STXBP5: variants seen among roughly 807,000 people sequenced by gnomAD.
STXBP5 encodes syntaxin-binding protein 5.
A neutral mutation model predicts 152.4 loss-of-function variants in STXBP5; 50 were observed. The observed-to-expected ratio is 0.33, with a 90% CI of 0.26 to 0.42. The LOEUF (loss-of-function observed/expected upper bound fraction) is 0.42, where lower values mean the gene tolerates loss of function less well. STXBP5 is among the 10% of genes least tolerant of loss of function. The pLI is 1.00. For missense variants in STXBP5, 1,167 were observed against 1,388.6 expected, an observed-to-expected ratio of 0.84 and a Z score of 2.54; for synonymous variants, 492 against 494.7, an observed-to-expected ratio of 0.99 and a Z score of 0.07.
At chr6:147,314,380 A>T in intron 13 of STXBP5, 49 bp downstream of exon 13, 1 of 1,502,568 alleles carries the variant, frequency 6.7e-7, no homozygotes, top group Non-Finnish European at 9.3e-7. Context: ...AGCTAAATAT[A>T]ATTGATTGAG....
intron 4 of STXBP5, among the ~76,000 whole-genome samples, chr6:147,252,485 T>G (rs1779145901): frequency 6.6e-6 from 1 of 151,816 alleles, no homozygotes; most frequent in Non-Finnish European, 1.5e-5. Context: ...TATCAGGGAT[T>G]GAAGATCAAC....
At chr6:147,214,650 T>C (rs1399227366) in intron 2 of STXBP5, among the ~76,000 whole-genome samples, 1 of 152,248 alleles carries the variant, frequency 6.6e-6, no homozygotes, top group Non-Finnish European at 1.5e-5. Flanking sequence ...AAAATTTTGA[T>C]TTCCGCATTG....
intron 2 of STXBP5, among the ~76,000 whole-genome samples, chr6:147,232,690 G>A (rs939148448): frequency 1.3e-5 from 2 of 151,804 alleles, no homozygotes; most frequent in South Asian, 4.1e-4. Context: ...ATGATTAGGT[G>A]CAATTATGTA....
At chr6:147,258,728 C>T (rs140169249) in intron 4 of STXBP5, among the ~76,000 whole-genome samples, 4,722 of 152,276 alleles carry the variant, frequency 0.031, 117 homozygotes, top group Non-Finnish European at 0.05. Context: ...CCACCGCGCC[C>T]AGCCCATAAC....
chr6:147,327,061 CTG>C, intron 17 of STXBP5, 62 bp from the exon 18 acceptor site: 2 of 1,468,302 alleles, frequency 1.4e-6, no homozygotes, highest in Admixed American at 1.9e-5. Flanking sequence ...GCCTTATAGA[CTG>C]TAGTACATTT....
chr6:147,270,550 G>T (rs763287520), intron 7 of STXBP5, among the ~76,000 whole-genome samples: 9 of 150,974 alleles, frequency 6.0e-5, no homozygotes, highest in Admixed American at 2.6e-4. Flanking sequence ...AAAAATAAAG[G>T]CAAAATAAAC....
chr6:147,337,513 TTTACA>T (rs1186792579), intron 19 of STXBP5, among the ~76,000 whole-genome samples: 1 of 152,054 alleles, frequency 6.6e-6, no homozygotes. Flanking sequence ...CCTTGTTTTG[TTTACA>T]TTACAGCCTA....
intron 16 of STXBP5, among the ~76,000 whole-genome samples, chr6:147,317,819 C>T (rs1782718434): frequency 6.6e-6 from 1 of 152,154 alleles, no homozygotes; most frequent in Non-Finnish European, 1.5e-5. Context: ...TTCTTCAATA[C>T]TACTTTATAC....
At chr6:147,339,984 A>G (rs1784018271) in intron 21 of STXBP5, among the ~76,000 whole-genome samples, 1 of 152,042 alleles carries the variant, frequency 6.6e-6, no homozygotes, top group Non-Finnish European at 1.5e-5. Context: ...GGAACAAAAT[A>G]TATAATCAAA....
intron 2 of STXBP5, 22 bp downstream of exon 2, chr6:147,206,090 T>A: frequency 6.3e-7 from 1 of 1,598,086 alleles, no homozygotes; most frequent in Non-Finnish European, 8.6e-7. Flanking sequence ...TTAATTTTAT[T>A]TTTTAACTTC....
intron 8 of STXBP5, among the ~76,000 whole-genome samples, chr6:147,283,050 G>C (rs1012409971): frequency 6.6e-6 from 1 of 152,130 alleles, no homozygotes; most frequent in African/African-American, 2.4e-5. Flanking sequence ...AGCTGTCCTG[G>C]GCTACATGTG....
At chr6:147,262,812 T>A (rs1779706621) in intron 6 of STXBP5, among the ~76,000 whole-genome samples, 2 of 151,746 alleles carry the variant, frequency 1.3e-5, no homozygotes, top group African/African-American at 2.4e-5. Flanking sequence ...GAGTTTTTTT[T>A]AATGTTATTT....
chr6:147,376,779 C>T (rs1785831399), intron 26 of STXBP5, among the ~76,000 whole-genome samples: 1 of 151,850 alleles, frequency 6.6e-6, no homozygotes, highest in Non-Finnish European at 1.5e-5. Context: ...CTACTGTCAT[C>T]CCAGCCTCAG....
rs1404553729 is a variant in STXBP5, at chr6:147,387,556, A to G, written c.*2801A>G. On this transcript the variant is annotated 3_prime_UTR_variant, in exon 28 of 28. Transcript: ENST00000321680. ...AAGTTATTTGAAATCTTATATTCTG[A>G]CAAATTCTGTACATTACATCCATTT... 6.6e-6 allele frequency: 1 copy of G among 151,780 alleles called. No individual in the cohort carries two copies. Among genetic ancestry groups the G allele is most frequent in the Non-Finnish European group, 1.5e-5 (1 of 67,764 alleles). 9.4% of individuals were successfully genotyped at this position (151,780 alleles called of 1,614,324 possible). A position where few individuals can be genotyped will look rare whatever the true frequency, so the allele number is the denominator to read the frequency against.
intron 21 of STXBP5, among the ~76,000 whole-genome samples, chr6:147,349,461 TA>T (rs932219391): frequency 2.6e-5 from 4 of 152,190 alleles, no homozygotes; most frequent in Non-Finnish European, 5.9e-5. Context: ...GAATATACTT[TA>T]AAATTTCTGC....
rs761187676 is a variant in STXBP5 at position 147,311,513 on chromosome 6, C to T, written c.1131C>T (p.Asp377=). The part of the protein sequence containing the change: ...VLLEKDLVLI[D]LAQNGYPIFE... The stretch of plus-strand genomic sequence containing the variant: ...TAGAAAAGGATTTAGTACTTATAGA[C>T]CTTGCACAAAATGGGTAAGAAATAA... The change falls in exon 11 of 28, where the codon GAC becomes GAT. Residue 377 remains aspartate, a synonymous_variant. Transcript: ENST00000321680. 10 of 1,610,632 alleles carry T rather than the reference C, an allele frequency of 6.2e-6. No individual in the cohort carries two copies. The South Asian group carries it at 1.1e-4, about 18-fold the overall frequency.
chr6:147,253,181 AT>A (rs1779184830), intron 4 of STXBP5, among the ~76,000 whole-genome samples: 1 of 152,318 alleles, frequency 6.6e-6, no homozygotes, highest in Middle Eastern at 3.4e-3. Context: ...AAAGTAATCC[AT>A]CACATAAACA....
chr6:147,349,580 G>A (rs970511882), intron 21 of STXBP5, among the ~76,000 whole-genome samples: 1 of 152,148 alleles, frequency 6.6e-6, no homozygotes, highest in African/African-American at 2.4e-5. Flanking sequence ...CGCTGGTTTT[G>A]TCTCCACATC....
chr6:147,346,646 A>G (rs1216085451), intron 21 of STXBP5, among the ~76,000 whole-genome samples: 2 of 152,062 alleles, frequency 1.3e-5, no homozygotes, highest in Non-Finnish European at 2.9e-5. Context: ...AGGCTGAGGC[A>G]GGAGAATTGC....
Sources: allele counts gnomAD v4.1 joint callset (sites outside exome capture counted in the v4.1 genomes callset), GRCh38; gene constraint gnomAD v4.1.1; transcripts MANE v1.5; gene names NCBI Gene and HGNC (gene_info 2026-07-23, HGNC 2026-07-21).